ZFHX3: variants seen among roughly 807,000 people sequenced by gnomAD.
The protein encoded by ZFHX3 is zinc finger homeobox protein 3.
A neutral mutation model predicts 279.1 loss-of-function variants in ZFHX3; 42 were observed. That is an observed-to-expected ratio of 0.15 (90% confidence interval 0.12 to 0.19). The LOEUF (loss-of-function observed/expected upper bound fraction) is 0.19, where lower values mean the gene tolerates loss of function less well. Among genes scored for constraint, ZFHX3 ranks in the 10% least tolerant of loss-of-function variants. The pLI is 1.00. For synonymous variants in ZFHX3, 2,293 were observed against 1,957.8 expected (o/e 1.17, Z -4.52); for missense variants, 4,981 against 4,754.0 (o/e 1.05, Z -1.40).
rs34508228 is a variant in ZFHX3 at position 72,971,878 on chromosome 16, A to ATT, written c.-49-11686_-49-11685dup. Among the ~76,000 whole-genome samples the ATT allele has an allele frequency of 8.8e-3, 842 of 95,342 alleles. 1 individual carries two copies. The highest frequency in any genetic ancestry group is 0.014 in the Middle Eastern group (2 of 140). 62.5% of individuals were successfully genotyped at this position (95,342 alleles called of 152,430 possible). On this transcript the variant is annotated intron_variant, in intron 1 of 9. Transcript: ENST00000268489. Reference sequence around the variant, plus strand: ...CATTTCTTTTGTGAACTGCCTATTAATTTTTTTTTTTTTTTTTTTTTTTTT... The same window carrying ATT: ...CATTTCTTTTGTGAACTGCCTATTAATTTTTTTTTTTTTTTTTTTTTTTTTTT...
At chr16:72,902,955 G>A (rs956080395) in intron 3 of ZFHX3, among the ~76,000 whole-genome samples, 8 of 152,306 alleles carry the variant, frequency 5.3e-5, no homozygotes, top group Admixed American at 3.3e-4. Flanking sequence ...CCAAGTCTTG[G>A]TCTTGAGAAT....
At chr16:73,310,673 C>T (rs916533620) in intron 4 of ZFHX3, among the ~76,000 whole-genome samples, 6 of 152,176 alleles carry the variant, frequency 3.9e-5, no homozygotes, top group Middle Eastern at 3.2e-3. Context: ...TACTGAGGCT[C>T]AGAAACTGAT....
chr16:73,170,158 T>C (rs547662593), intron 5 of ZFHX3, among the ~76,000 whole-genome samples: 10 of 151,256 alleles, frequency 6.6e-5, no homozygotes, highest in African/African-American at 1.9e-4. Context: ...GTGCAGACAG[T>C]CCATAAATTG....
intron 1 of ZFHX3, among the ~76,000 whole-genome samples, chr16:73,884,501 A>T (rs908365910): frequency 2.0e-4 from 30 of 152,214 alleles, no homozygotes; most frequent in African/African-American, 5.8e-4. Context: ...ACATGGAAAA[A>T]TCATGCAGTT....
intron 1 of ZFHX3, among the ~76,000 whole-genome samples, chr16:73,779,822 A>C (rs1959391006): frequency 6.6e-6 from 1 of 151,798 alleles, no homozygotes; most frequent in Admixed American, 6.6e-5. Flanking sequence ...GGATTTAGCA[A>C]CTCTCCTGCC....
chr16:73,862,436 A>G (rs1024702636), intron 1 of ZFHX3, among the ~76,000 whole-genome samples: 2 of 152,156 alleles, frequency 1.3e-5, no homozygotes, highest in African/African-American at 4.8e-5. Flanking sequence ...GTCACCTCCA[A>G]TGCTTGTAAT....
intron 2 of ZFHX3, among the ~76,000 whole-genome samples, chr16:73,529,807 A>T (rs185701038): frequency 3.3e-5 from 5 of 152,148 alleles, no homozygotes; most frequent in African/African-American, 1.2e-4. Flanking sequence ...CAACTGATGC[A>T]CCTGTTTCTC....
chr16:72,971,082 C>G (rs546514374), intron 1 of ZFHX3, among the ~76,000 whole-genome samples: 1 of 152,234 alleles, frequency 6.6e-6, no homozygotes, highest in East Asian at 1.9e-4. Context: ...CCTTACCTAC[C>G]TCGGATCACG....
chr16:73,032,735 T>G (rs1453537205), intron 1 of ZFHX3, among the ~76,000 whole-genome samples: 1 of 150,912 alleles, frequency 6.6e-6, no homozygotes. Context: ...TGCAAAGGAC[T>G]TTCTTTTCCT....
Position 72,958,286 on chromosome 16 carries a change from G to C in ZFHX3, c.1860C>G (p.His620Gln), listed in dbSNP as rs367686025. The change falls in exon 2 of 10, where the codon CAC becomes CAG. Residue 620 changes from histidine to glutamine, a missense_variant. By Grantham distance (24) the His-to-Gln change is conservative. Around this residue, in one of 7 missense-constraint regions of ZFHX3, gnomAD observed 1,068 missense variants for 935.2 expected, o/e 1.14. Transcript: ENST00000268489. ...GCTCGCAGAGGGAGCCAGCGTGCTG[G>C]TGATGGGGAACGAAGCCCCCATCGT... ...EGDDGGFVPH[H>Q]QHAGSLCELG... is the part of the protein sequence containing the mutation. 8 of 1,614,068 alleles carry C rather than the reference G, an allele frequency of 5.0e-6. No homozygotes were observed. Among genetic ancestry groups the C allele is most frequent in the Non-Finnish European group, 6.8e-6 (8 of 1,179,918 alleles).
At chr16:73,255,416 T>C (rs538977345) in intron 5 of ZFHX3, among the ~76,000 whole-genome samples, 25 of 152,292 alleles carry the variant, frequency 1.6e-4, no homozygotes, top group African/African-American at 5.5e-4. Flanking sequence ...TCTTTATGGG[T>C]GAGTGGTTAT....
chr16:73,356,137 G>A lies in ZFHX3; in HGVS notation c.-1290-37801C>T, dbSNP rs1212220491. On this transcript the variant is annotated intron_variant, in intron 3 of 17. Coordinates refer to the ZFHX3 transcript ENST00000641206. ...CAGCCAAGAAACCAACCAGGTTTTC[G>A]TTGAATGGGCACTTTCTGAATGGCG... Among the ~76,000 whole-genome samples the A allele has an allele frequency of 2.0e-5, 3 of 152,178 alleles. 1 individual carries two copies. The highest frequency in any genetic ancestry group is 6.3e-3 in the Middle Eastern group (2 of 316).
At chr16:73,217,046 G>C (rs1175664277) in intron 5 of ZFHX3, among the ~76,000 whole-genome samples, 2 of 152,178 alleles carry the variant, frequency 1.3e-5, no homozygotes, top group Non-Finnish European at 2.9e-5. Flanking sequence ...AATAGAGTGA[G>C]CTGAAAGCAG....
At chr16:73,790,491 T>C (rs1959791559) in intron 1 of ZFHX3, among the ~76,000 whole-genome samples, 1 of 152,240 alleles carries the variant, frequency 6.6e-6, no homozygotes, top group African/African-American at 2.4e-5. Context: ...AGCTAAGCAA[T>C]TTCAACTTTA....
intron 3 of ZFHX3, among the ~76,000 whole-genome samples, chr16:72,895,065 T>C (rs953503843): frequency 6.6e-6 from 1 of 152,128 alleles, no homozygotes; most frequent in East Asian, 1.9e-4. Flanking sequence ...GTGAGCCCAT[T>C]TGGCGGGGGT....
intron 1 of ZFHX3, among the ~76,000 whole-genome samples, chr16:73,805,956 T>C (rs328383): frequency 0.11 from 16,989 of 152,156 alleles, 2,591 homozygotes; most frequent in African/African-American, 0.35. Flanking sequence ...CAACTGCGAC[T>C]GGGTAATTTG....
rs367676710 is a variant in ZFHX3 at position 72,793,587 on chromosome 16, T to C, written c.9095A>G (p.Lys3032Arg). ...ACGTACAGACAGCCGAGCGCTGTAC[T>C]TGATGCCACACAAAGTGCACTCTGT... ...PKTECTLCGIKYSARLSVRDH... is the reference protein window; with the variant it reads ...PKTECTLCGIRYSARLSVRDH... Residue 3032 changes from lysine (K) to arginine (R), a missense_variant, in exon 9 of 10, where the codon AAG becomes AGG. Physicochemically the swap from Lys to Arg is conservative, Grantham distance 26. Coordinates refer to ENST00000268489, the MANE Select transcript of ZFHX3 (RefSeq NM_006885.4). The surrounding 1 kb of genome is among the most constrained non-coding windows in gnomAD (Gnocchi z 4.3). The C allele has an allele frequency of 8.1e-6, 13 of 1,614,240 alleles. No homozygotes were observed. Among genetic ancestry groups the C allele is most frequent in the South Asian group, 2.2e-5 (2 of 91,092 alleles).
At chr16:73,493,696 T>TAG (rs1461737809) in intron 2 of ZFHX3, among the ~76,000 whole-genome samples, 4 of 152,112 alleles carry the variant, frequency 2.6e-5, no homozygotes, top group Admixed American at 6.5e-5. Context: ...TTTCCCTGGA[T>TAG]CTACTCAGGT....
intron 1 of ZFHX3, among the ~76,000 whole-genome samples, chr16:73,811,824 G>T (rs975927981): frequency 1.3e-5 from 2 of 152,052 alleles, no homozygotes; most frequent in African/African-American, 4.8e-5. Context: ...TCTTTTGGTG[G>T]TTCAGTGGTT....
Sources: allele counts gnomAD v4.1 joint callset (sites outside exome capture counted in the v4.1 genomes callset), GRCh38; gene constraint gnomAD v4.1.1; regional missense constraint gnomAD v4.1.1; non-coding constraint Gnocchi (gnomAD v3.1); transcripts MANE v1.5; gene names NCBI Gene and HGNC (gene_info 2026-07-23, HGNC 2026-07-21).